COL12A1: variants seen among roughly 807,000 people sequenced by gnomAD.
COL12A1 encodes the protein collagen type XII alpha 1 chain.
Under a neutral mutation model 349.7 loss-of-function variants are expected in COL12A1, and 114 were observed. The observed-to-expected ratio is 0.33, with a 90% CI of 0.28 to 0.38. The LOEUF (loss-of-function observed/expected upper bound fraction) is 0.38, where lower values mean the gene tolerates loss of function less well. Among genes scored for constraint, COL12A1 ranks in the 10% least tolerant of loss-of-function variants. The pLI, the probability that COL12A1 is intolerant of heterozygous loss-of-function variation, is 1.00. For missense variants in COL12A1, 3,284 were observed against 3,756.9 expected (o/e 0.87, Z 3.29); for synonymous variants, 1,369 against 1,329.0 (o/e 1.03, Z -0.66).
rs979698408 is a variant in COL12A1 at position 75,085,683 on chromosome 6, T to C, written c.*864A>G. The stretch of plus-strand genomic sequence containing the variant: ...AGTAGGATTTTCGCAAATCCCCAAG[T>C]AACTGTTTATGCCTTCAAACTCCTC... On this transcript the variant is annotated 3_prime_UTR_variant, in exon 66 of 66. Transcript: ENST00000322507. The C allele has an allele frequency of 3.9e-6, 1 of 254,572 alleles. No individual in the cohort carries two copies. The highest frequency in any genetic ancestry group is 8.0e-6 in the Non-Finnish European group (1 of 124,764). The allele number at this position is 254,572 out of a possible 1,614,324, so 15.8% of individuals were successfully genotyped here.
At chr6:75,116,835 A>G (rs552407766) in intron 47 of COL12A1, among the ~76,000 whole-genome samples, 1 of 152,186 alleles carries the variant, frequency 6.6e-6, no homozygotes, top group East Asian at 1.9e-4. Flanking sequence ...CATAACCTAT[A>G]CCCCAAGAAT....
chr6:75,146,016 G>A (rs1372767141), intron 24 of COL12A1, 86 bp downstream of exon 24: 4 of 1,326,086 alleles, frequency 3.0e-6, no homozygotes, highest in African/African-American at 3.0e-5. Context: ...TTATAAATGA[G>A]TTTGTAAGTA....
chr6:75,118,158 C>T (rs375702946), intron 46 of COL12A1, among the ~76,000 whole-genome samples: 5 of 152,168 alleles, frequency 3.3e-5, no homozygotes, highest in South Asian at 2.1e-4. Flanking sequence ...AATAAGGTAA[C>T]GTGAGAAGCA....
intron 13 of COL12A1, among the ~76,000 whole-genome samples, chr6:75,172,877 C>T (rs570036216): frequency 3.3e-5 from 5 of 152,196 alleles, no homozygotes; most frequent in Non-Finnish European, 7.3e-5. Flanking sequence ...GATGCGAAAG[C>T]CACCTATATC....
intron 30 of COL12A1, 25 bp from the exon 31 acceptor site, chr6:75,137,604 G>C (rs1161246004): frequency 6.2e-7 from 1 of 1,612,972 alleles, no homozygotes; most frequent in South Asian, 1.1e-5. Context: ...TTGAAAAACT[G>C]AGTAAGCAGA....
At chr6:75,186,124 A>G (rs1205242201) in intron 8 of COL12A1, among the ~76,000 whole-genome samples, 1 of 152,238 alleles carries the variant, frequency 6.6e-6, no homozygotes, top group East Asian at 1.9e-4. Context: ...AATGGGATCT[A>G]ATTAAATTAA....
At chr6:75,172,595 G>A (rs1768694904) in intron 13 of COL12A1, among the ~76,000 whole-genome samples, 1 of 152,162 alleles carries the variant, frequency 6.6e-6, no homozygotes, top group Admixed American at 6.5e-5. Flanking sequence ...TGGAGAAACA[G>A]AACTTCAAAA....
chr6:75,138,992 T>G, intron 27 of COL12A1, 31 bp from the exon 28 acceptor site: 1 of 1,610,092 alleles, frequency 6.2e-7, no homozygotes, highest in Non-Finnish European at 8.5e-7. Flanking sequence ...CAGACTAAGT[T>G]TTTGAATGTG....
intron 15 of COL12A1, 38 bp downstream of exon 15, chr6:75,156,217 TAC>T: frequency 9.4e-6 from 15 of 1,603,052 alleles, no homozygotes; most frequent in African/African-American, 1.3e-5. Flanking sequence ...TTTAAAACAT[TAC>T]CTTCTCTCCC....
At chr6:75,139,373 C>T (rs936793559) in intron 27 of COL12A1, among the ~76,000 whole-genome samples, 2 of 151,992 alleles carry the variant, frequency 1.3e-5, no homozygotes, top group African/African-American at 4.8e-5. Flanking sequence ...TCCTTATTAA[C>T]CGAGAATGTC....
At chr6:75,130,773 T>G (rs771744870) in intron 36 of COL12A1, 79 bp downstream of exon 36, 51 of 1,568,170 alleles carry the variant, frequency 3.3e-5, no homozygotes, top group Non-Finnish European at 4.2e-5. Flanking sequence ...ACCACCCCCC[T>G]CCCACCACTC....
At chr6:75,118,411 A>T (rs1195468509) in intron 46 of COL12A1, among the ~76,000 whole-genome samples, 1 of 152,310 alleles carries the variant, frequency 6.6e-6, no homozygotes, top group South Asian at 2.1e-4. Context: ...TATGCATAAG[A>T]TTCTCTCTAA....
intron 53 of COL12A1, among the ~76,000 whole-genome samples, chr6:75,105,980 G>A (rs1026427795): frequency 1.3e-5 from 2 of 152,016 alleles, no homozygotes; most frequent in Non-Finnish European, 2.9e-5. Context: ...CATCACCAAC[G>A]TTCAACTTTG....
chr6:75,113,729 A>T lies in COL12A1; in HGVS notation c.7713T>A (p.Asn2571Lys), dbSNP rs1768946759. The T allele has an allele frequency of 6.3e-7, 1 of 1,592,608 alleles. No individual in the cohort carries two copies. The highest frequency in any genetic ancestry group is 1.7e-5 in the Admixed American group (1 of 59,576). Reference sequence around the variant, plus strand: ...TAATCGTGTATGAAGGAGGGAGTCCATTTGGGTGTAGGTCTCTGTTGGATA... The same window carrying T: ...TAATCGTGTATGAAGGAGGGAGTCCTTTTGGGTGTAGGTCTCTGTTGGATA... Reference protein sequence around the residue: ...VNQPTADLHPNGLPPSYTIIL... With the variant: ...VNQPTADLHPKGLPPSYTIIL... The change falls in exon 50 of 66, where the codon AAT (asparagine) becomes AAA (lysine). Residue 2571 changes from asparagine (N) to lysine (K), a missense_variant. Asn to Lys is a moderately conservative substitution (Grantham distance 94, BLOSUM62 0). Around this residue, in one of 2 missense-constraint regions of COL12A1, gnomAD observed 683 missense variants for 932.1 expected, o/e 0.73. Transcript: ENST00000322507.
At chr6:75,145,284 T>C in intron 25 of COL12A1, 42 bp downstream of exon 25, 1 of 1,515,118 alleles carries the variant, frequency 6.6e-7, no homozygotes, top group Non-Finnish European at 8.9e-7. Flanking sequence ...AACATTATGC[T>C]CACAGCAATA....
chr6:75,190,410 G>T (rs1157931206), intron 5 of COL12A1, among the ~76,000 whole-genome samples: 1 of 151,780 alleles, frequency 6.6e-6, no homozygotes, highest in African/African-American at 2.4e-5. Context: ...GTAAAAACAA[G>T]CATAAAATTA....
intron 43 of COL12A1, among the ~76,000 whole-genome samples, chr6:75,121,657 A>G (rs533190447): frequency 6.6e-6 from 1 of 152,288 alleles, no homozygotes; most frequent in East Asian, 1.9e-4. Flanking sequence ...TCACATGCAC[A>G]ATAAATTTAA....
At chr6:75,115,044 A>G (rs746723276) in intron 49 of COL12A1, among the ~76,000 whole-genome samples, 4 of 152,144 alleles carry the variant, frequency 2.6e-5, no homozygotes, top group Non-Finnish European at 5.9e-5. Context: ...AACTACAACA[A>G]TACAATCTCT....
chr6:75,176,367 G>T (rs932220380), intron 12 of COL12A1, among the ~76,000 whole-genome samples: 1 of 151,128 alleles, frequency 6.6e-6, no homozygotes. Context: ...GGGATGCTGT[G>T]GGAGGTGGGA....
Sources: allele counts gnomAD v4.1 joint callset (sites outside exome capture counted in the v4.1 genomes callset), GRCh38; gene constraint gnomAD v4.1.1; regional missense constraint gnomAD v4.1.1; transcripts MANE v1.5; gene names NCBI Gene and HGNC (gene_info 2026-07-23, HGNC 2026-07-21).